The following TTC12 variants were observed in gnomAD, a reference collection of about 807,000 sequenced individuals.
TTC12 encodes tetratricopeptide repeat domain 12, also known as tetratricopeptide repeat protein 12.
A neutral mutation model predicts 90.1 loss-of-function variants in TTC12; 70 were observed. The ratio of observed to expected loss-of-function variants is 0.78; its 90% confidence interval spans 0.64 to 0.95. The LOEUF is 0.95. TTC12 is among the 40% of genes least tolerant of loss of function. TTC12 has a pLI of 0.00. For missense variants in TTC12, 819 were observed against 846.1 expected, an observed-to-expected ratio of 0.97 and a Z score of 0.40; for synonymous variants, 296 against 311.5, an observed-to-expected ratio of 0.95 and a Z score of 0.53.
At chr11:113,373,215 A>G in exon 22 of TTC12, 5 of 985,312 alleles carry the variant, frequency 5.1e-6, no homozygotes, top group Non-Finnish European at 6.0e-6. Context: ...ACTGTCCCCA[A>G]CCCATGCGAT....
intron 10 of TTC12, 101 bp downstream of exon 10, chr11:113,339,575 C>A: frequency 9.1e-7 from 1 of 1,096,730 alleles, no homozygotes; most frequent in Non-Finnish European, 1.3e-6. Flanking sequence ...CTTCCTTCCA[C>A]AAATATTGAT....
intron 2 of TTC12, among the ~76,000 whole-genome samples, chr11:113,319,660 G>A (rs140067027): frequency 4.4e-4 from 66 of 149,762 alleles, no homozygotes; most frequent in Non-Finnish European, 8.0e-4. Context: ...ACCAAGAAGA[G>A]CCAAGAAAAC....
At chr11:113,323,792 G>C (rs1488427114) in intron 3 of TTC12, among the ~76,000 whole-genome samples, 3 of 152,118 alleles carry the variant, frequency 2.0e-5, no homozygotes, top group Non-Finnish European at 2.9e-5. Context: ...TTGTTTTGCA[G>C]ACTCGGTCCC....
intron 16 of TTC12, among the ~76,000 whole-genome samples, chr11:113,357,277 A>AGGTTG (rs1418333837): frequency 1.8e-4 from 27 of 152,114 alleles, no homozygotes; most frequent in Admixed American, 1.8e-3. Context: ...CAGCTCTATC[A>AGGTTG]GGTTGGTTAT....
rs576640201 is a variant in TTC12, at chr11:113,331,073, T to G, written c.504+1094T>G. On this transcript the variant is annotated intron_variant, in intron 7 of 21. Coordinates refer to ENST00000529221, the MANE Select transcript of TTC12 (RefSeq NM_017868.4). ...AACAGAGATGAATGAGAAAGTCACC[T>G]CTGCTTATAATCATTCATAAAACAC... is the stretch of plus-strand genomic sequence containing the variant. Among the ~76,000 whole-genome samples, 3 of 152,320 alleles carry G rather than the reference T, an allele frequency of 2.0e-5. No individual in the cohort carries two copies. In the South Asian group the frequency reaches 6.2e-4, roughly 32 times the overall value.
At chr11:113,368,072 C>G (rs1950269965), downstream of TTC12, 2 of 811,358 alleles carry the variant, frequency 2.5e-6, no homozygotes, top group Admixed American at 6.0e-5. Flanking sequence ...CAGGCCCCGC[C>G]TTCCCCTGCT....
In TTC12 at chr11:113,350,916, G is replaced by A. The variant is rs1015251047; in HGVS notation, c.1248-323G>A. On this transcript the variant is annotated intron_variant, in intron 14 of 21. Coordinates refer to ENST00000529221, the MANE Select transcript of TTC12 (RefSeq NM_017868.4). ...TTGCATGGTATTTGCCTTCCGCACC[G>A]CACACACACGCTGTAGACTCAGAGC... Among the ~76,000 whole-genome samples, 16 of 152,158 alleles carry A rather than the reference G, an allele frequency of 1.1e-4. 1 individual carries two copies. The highest frequency in any genetic ancestry group is 1.5e-4 in the Non-Finnish European group (10 of 68,032).
At chr11:113,333,889 G>C (rs1948202215) in intron 7 of TTC12, among the ~76,000 whole-genome samples, 1 of 151,402 alleles carries the variant, frequency 6.6e-6, no homozygotes, top group South Asian at 2.1e-4. Flanking sequence ...TTTCTCTTTT[G>C]CTCCGAAATG....
Position 113,321,590 on chromosome 11 carries a change from A to G in TTC12, c.59-1698A>G, listed in dbSNP as rs185409491. Among the ~76,000 whole-genome samples, 770 of 152,332 alleles carry G rather than the reference A, an allele frequency of 5.1e-3. 14 individuals carry two copies. The highest frequency in any genetic ancestry group is 0.049 in the South Asian group (237 of 4,822). Reference sequence around the variant, plus strand: ...AAATTGTTTAAATATTACATACACAAATATTCTGGTAGATTGCAAGAATGG... The same window carrying G: ...AAATTGTTTAAATATTACATACACAGATATTCTGGTAGATTGCAAGAATGG... On this transcript the variant is annotated intron_variant, in intron 2 of 21. Transcript: ENST00000529221.
intron 16 of TTC12, among the ~76,000 whole-genome samples, chr11:113,354,959 A>C (rs957478907): frequency 6.6e-6 from 1 of 152,304 alleles, no homozygotes. Flanking sequence ...AATCAGGATG[A>C]TGCTGGTCTC....
chr11:113,315,975 T>C (rs1946913881), intron 1 of TTC12: 3 of 279,972 alleles, frequency 1.1e-5, no homozygotes, highest in South Asian at 1.7e-4. Flanking sequence ...GGGGTTGATG[T>C]TGGCTTTGGA....
intron 6 of TTC12, chr11:113,329,583 G>T (rs374146666): frequency 2.3e-5 from 11 of 475,950 alleles, no homozygotes; most frequent in African/African-American, 1.2e-4. Flanking sequence ...AGTTCTTTTC[G>T]CAGAGCTGTC....
chr11:113,353,987 A>C (rs1427247882), intron 16 of TTC12, among the ~76,000 whole-genome samples: 3 of 152,184 alleles, frequency 2.0e-5, no homozygotes, highest in Non-Finnish European at 4.4e-5. Flanking sequence ...AGTTTTTTCT[A>C]GTTCTGTGAA....
In TTC12 at chr11:113,359,944, G is replaced by A. The variant is rs1555154099; in HGVS notation, c.1550G>A (p.Trp517Ter). 6.3e-7 allele frequency: 1 copy of A among 1,594,958 alleles called. No homozygotes were observed. Among genetic ancestry groups the A allele is most frequent in the Admixed American group, 1.8e-5 (1 of 56,802 alleles). ...CLQAPFVSEV[W>*]AVEVSRRCLS... Reference sequence around the variant, plus strand: ...GGCCTCTCCCCATTGTTGTAGGTTTGGGCTGTGGAGGTGAGCAGAAGGTGC... The same window carrying A: ...GGCCTCTCCCCATTGTTGTAGGTTTAGGCTGTGGAGGTGAGCAGAAGGTGC... Residue 517 changes from tryptophan (W) to a stop codon, truncating the protein, a stop_gained, in exon 18 of 22, where the codon TGG becomes TAG. Transcript: ENST00000529221. LOFTEE classifies it high-confidence loss of function.
rs995771284 is a variant in TTC12 at position 113,346,180 on chromosome 11, T to C, written c.1154+1740T>C. Among the ~76,000 whole-genome samples the C allele has an allele frequency of 5.9e-5, 9 of 152,132 alleles. No homozygotes were observed. The East Asian group carries it at 1.7e-3, about 29-fold the overall frequency. ...TGTGCTGGCCAAGGGCCAGTGTCAT[T>C]TTGTAAAAAGTGCTGGGTTTTAGTC... On this transcript the variant is annotated intron_variant, in intron 13 of 21. Coordinates refer to ENST00000529221, the MANE Select transcript of TTC12 (RefSeq NM_017868.4).
downstream of TTC12, among the ~76,000 whole-genome samples, chr11:113,369,348 T>C (rs536520175): frequency 6.6e-6 from 1 of 152,108 alleles, no homozygotes; most frequent in Non-Finnish European, 1.5e-5. Context: ...CTCGAACTCC[T>C]GACCTCAAGT....
At chr11:113,320,079 G>A (rs1947207323) in intron 2 of TTC12, among the ~76,000 whole-genome samples, 1 of 152,022 alleles carries the variant, frequency 6.6e-6, no homozygotes, top group Admixed American at 6.5e-5. Flanking sequence ...AAAAACAAAT[G>A]AAAAGACAAA....
chr11:113,321,872 T>C (rs569484191), intron 2 of TTC12, among the ~76,000 whole-genome samples: 1 of 152,312 alleles, frequency 6.6e-6, no homozygotes, highest in South Asian at 2.1e-4. Context: ...TGACTGACAG[T>C]TGACCATGGA....
intron 13 of TTC12, among the ~76,000 whole-genome samples, chr11:113,348,440 GTACCTCTTACTCTGCTGC>G (rs1345182146): frequency 6.6e-6 from 1 of 152,018 alleles, no homozygotes; most frequent in African/African-American, 2.4e-5. Context: ...TGTTTTTACT[GTACCTCTTACTCTGCTGC>G]TGCCTCAGTC....
Sources: gnomAD v4.1 joint callset for allele counts (sites outside exome capture counted in the v4.1 genomes callset) on GRCh38, gnomAD v4.1.1 for gene constraint, MANE v1.5 for transcripts, NCBI Gene and HGNC (gene_info 2026-07-23, HGNC 2026-07-21) for gene names.